Variants in HAL observed in about 807,000 individuals in gnomAD.
HAL encodes the protein histidine ammonia-lyase.
Under a neutral mutation model 81.1 loss-of-function variants are expected in HAL, and 85 were observed. The ratio of observed to expected loss-of-function variants is 1.05; its 90% confidence interval spans 0.88 to 1.25. The LOEUF (loss-of-function observed/expected upper bound fraction) is 1.25, where lower values mean the gene tolerates loss of function less well. HAL is among the 50% of genes most tolerant of loss of function. HAL has a pLI of 0.00. For missense variants in HAL, 798 were observed against 836.6 expected (o/e 0.95, Z 0.57); for synonymous variants, 301 against 309.2 (o/e 0.97, Z 0.28).
At chr12:95,989,164 A>C (rs1250679586) in intron 10 of HAL, among the ~76,000 whole-genome samples, 1 of 152,164 alleles carries the variant, frequency 6.6e-6, no homozygotes, top group Admixed American at 6.5e-5. Context: ...CGGAGACGGA[A>C]GCTTCTTAGA....
In HAL at chr12:95,987,073, C is replaced by G; in HGVS notation, c.1045G>C (p.Asp349His). 6.2e-7 allele frequency: 1 copy of G among 1,613,196 alleles called. No homozygotes were observed. The highest frequency in any genetic ancestry group is 8.5e-7 in the Non-Finnish European group (1 of 1,179,408). Residue 349 changes from aspartate to histidine, a missense_variant, in exon 12 of 21, where the codon GAC (aspartate) becomes CAC (histidine). Physicochemically the swap from Asp to His is moderately conservative, Grantham distance 81 (BLOSUM62 -1). Transcript: ENST00000261208. Reference sequence around the variant, plus strand: ...AAGGAAGAACCCTGCTGACCAGTGTCAAAGGCTTTGGTGGTGCCCTTCAGC... The same window carrying G: ...AAGGAAGAACCCTGCTGACCAGTGTGAAAGGCTTTGGTGGTGCCCTTCAGC... The part of the protein sequence containing the change: ...EVLKGTTKAF[D>H]TDIHALRPHR...
At chr12:95,981,090 C>A (rs2080789901) in intron 15 of HAL, among the ~76,000 whole-genome samples, 1 of 152,144 alleles carries the variant, frequency 6.6e-6, no homozygotes, top group African/African-American at 2.4e-5. Context: ...AAAACATGAA[C>A]CTTGAAATGA....
At position 95,992,709 on chromosome 12, in the gene HAL, G is replaced by A. The variant is rs143844261; in HGVS notation, c.686C>T (p.Thr229Ile). 464 of 1,612,638 alleles carry A rather than the reference G, an allele frequency of 2.9e-4. 2 individuals carry two copies. The highest frequency in any genetic ancestry group is 3.3e-4 in the Middle Eastern group (2 of 6,078). Reference protein sequence around the residue: ...AKGYSGISLETLKQVIEMFNA... With the variant: ...AKGYSGISLEILKQVIEMFNA... ...AAACATTTCTATGACTTGTTTGAGGGTCTCCAGGGAAATGCCACTGTATCC... is the reference window on the plus strand; with the variant it reads ...AAACATTTCTATGACTTGTTTGAGGATCTCCAGGGAAATGCCACTGTATCC... The change falls in exon 9 of 21, where the codon ACC becomes ATC. Residue 229 changes from threonine (T) to isoleucine (I), a missense_variant. Coordinates refer to ENST00000261208, the MANE Select transcript of HAL (RefSeq NM_002108.4).
Position 95,994,008 on chromosome 12 carries a change from T to C in HAL, c.412-10A>G. The stretch of plus-strand genomic sequence containing the variant: ...CAGCTGTTGGGGTGAGCTAGGAAAA[T>C]GTTGATCAGAACTGAGCACGTTAAA... On this transcript the variant is annotated splice_polypyrimidine_tract_variant and intron_variant, in intron 5 of 20. Transcript: ENST00000261208. The C allele has an allele frequency of 1.9e-6, 3 of 1,611,130 alleles. No homozygotes were observed. Among genetic ancestry groups the C allele is most frequent in the Admixed American group, 1.7e-5 (1 of 60,012 alleles).
chr12:95,995,573 C>T, intron 2 of HAL, 91 bp downstream of exon 2: 1 of 1,555,694 alleles, frequency 6.4e-7, no homozygotes, highest in Non-Finnish European at 8.8e-7. Flanking sequence ...GACCTCTGCT[C>T]ATCATTTTCC....
At chr12:95,993,623 G>C (rs1438176067) in intron 7 of HAL, 135 bp from the exon 8 acceptor site, 1 of 845,010 alleles carries the variant, frequency 1.2e-6, no homozygotes, top group South Asian at 1.4e-5. Context: ...CAGCCAGCCT[G>C]GGTTTTCAAT....
At chr12:95,979,776 G>T (rs1409002285) in intron 17 of HAL, among the ~76,000 whole-genome samples, 1 of 152,152 alleles carries the variant, frequency 6.6e-6, no homozygotes, top group Non-Finnish European at 1.5e-5. Context: ...TGAAGTAAAA[G>T]CACATTTTTG....
At position 95,975,669 on chromosome 12, in the gene HAL, T is replaced by C. The variant is rs368858459; in HGVS notation, c.1833+760A>G. Among the ~76,000 whole-genome samples the C allele has an allele frequency of 1.1e-3, 161 of 152,208 alleles. 1 individual carries two copies. Among genetic ancestry groups the C allele is most frequent in the African/African-American group, 3.4e-3 (142 of 41,516 alleles). ...CTTAAAGGCTAACCTCTCGTATACC[T>C]CCCTCCTAGCACCAAAGTTGGCAGC... On this transcript the variant is annotated intron_variant, in intron 20 of 20. Coordinates refer to ENST00000261208, the MANE Select transcript of HAL (RefSeq NM_002108.4).
intron 17 of HAL, among the ~76,000 whole-genome samples, chr12:95,978,647 G>C (rs942059630): frequency 3.9e-5 from 6 of 152,122 alleles, no homozygotes; most frequent in African/African-American, 1.4e-4. Context: ...AATCACTCAG[G>C]GACCTTGTTA....
At chr12:95,991,053 T>C (rs983023208) in intron 9 of HAL, among the ~76,000 whole-genome samples, 1 of 152,150 alleles carries the variant, frequency 6.6e-6, no homozygotes, top group African/African-American at 2.4e-5. Flanking sequence ...GAGGTTGCAG[T>C]GAGCCGAGAT....
In HAL at chr12:95,990,538, A is replaced by C; in HGVS notation, c.716-6T>G. 6.2e-7 allele frequency: 1 copy of C among 1,613,004 alleles called. No individual in the cohort carries two copies. Among genetic ancestry groups the C allele is most frequent in the Non-Finnish European group, 8.5e-7 (1 of 1,179,112 alleles). ...GACATAGGGCAGGCAGGAGGCTGGG[A>C]GAGAAGTAGGCAGCAATTAGTTCAA... On this transcript the variant is annotated splice_region_variant and splice_polypyrimidine_tract_variant and intron_variant, in intron 9 of 20. Transcript: ENST00000261208.
At chr12:95,981,163 G>T (rs944109371) in intron 15 of HAL, among the ~76,000 whole-genome samples, 1 of 140,214 alleles carries the variant, frequency 7.1e-6, no homozygotes, top group African/African-American at 2.8e-5. Context: ...GTTAGTACCT[G>T]CCCTCAAAAG....
Position 95,991,468 on chromosome 12 carries a change from T to C in HAL, c.716-936A>G, listed in dbSNP as rs371947471. Among the ~76,000 whole-genome samples the C allele has an allele frequency of 4.6e-5, 7 of 152,310 alleles. No individual in the cohort carries two copies. In the East Asian group the frequency reaches 1.2e-3, roughly 25 times the overall value. The stretch of plus-strand genomic sequence containing the variant: ...AGGTTTCCCAGGGGAAGAGAAGTCA[T>C]AGGCAACTGAGTCTTTTCATTTTGC... On this transcript the variant is annotated intron_variant, in intron 9 of 20. Transcript: ENST00000261208.
intron 12 of HAL, among the ~76,000 whole-genome samples, chr12:95,986,364 C>A (rs1949888713): frequency 6.6e-6 from 1 of 152,122 alleles, no homozygotes; most frequent in Non-Finnish European, 1.5e-5. Context: ...AAATGACCAT[C>A]AATGGTTCAG....
chr12:95,977,203 A>G (rs537542044), intron 18 of HAL, among the ~76,000 whole-genome samples: 1 of 152,264 alleles, frequency 6.6e-6, no homozygotes, highest in Non-Finnish European at 1.5e-5. Flanking sequence ...GGACTAGAAG[A>G]TGAGAAATTG....
rs1242741084 is a variant in HAL, at chr12:95,973,397, T to C, written c.*835A>G. ...AATGATTACCATTACAGAAAGGAGGTTGGTTAATCCCCAAAGATTCCTTAT... is the reference window on the plus strand; with the variant it reads ...AATGATTACCATTACAGAAAGGAGGCTGGTTAATCCCCAAAGATTCCTTAT... On this transcript the variant is annotated 3_prime_UTR_variant, in exon 21 of 21. Transcript: ENST00000261208. The C allele has an allele frequency of 6.6e-6, 1 of 152,144 alleles. No homozygotes were observed. The highest frequency in any genetic ancestry group is 1.5e-5 in the Non-Finnish European group (1 of 68,022). 9.4% of individuals were successfully genotyped at this position (152,144 alleles called of 1,614,324 possible).
chr12:95,995,017 G>T, intron 2 of HAL, 24 bp from the exon 3 acceptor site: 1 of 1,553,862 alleles, frequency 6.4e-7, no homozygotes, highest in Non-Finnish European at 8.9e-7. Context: ...CGGGAGACTC[G>T]TTACAGATCA....
chr12:95,987,897 CGGG>C (rs60041699), intron 11 of HAL, among the ~76,000 whole-genome samples: 1 of 45,732 alleles, frequency 2.2e-5, no homozygotes, highest in Non-Finnish European at 4.8e-5. Context: ...TTTGGCGGGG[CGGG>C]GGGGGCGGGT....
rs149461774 is a variant in HAL, at chr12:95,976,468, C to T, written c.1794G>A (p.Pro598=). ...RPWIKDRFMA[P]DIEAAHRLLL... ...GCAGCCTGTGGGCTGCCTCGATGTC[C>T]GGGGCCATGAAGCGATCTTTTATCC... Residue 598 remains proline, a synonymous_variant, in exon 20 of 21, where the codon CCG becomes CCA. Transcript: ENST00000261208. The T allele has an allele frequency of 8.9e-5, 144 of 1,614,108 alleles. 1 individual carries two copies. The highest frequency in any genetic ancestry group is 1.8e-4 in the East Asian group (8 of 44,886).
Sources: allele counts gnomAD v4.1 joint callset (sites outside exome capture counted in the v4.1 genomes callset), GRCh38; gene constraint gnomAD v4.1.1; transcripts MANE v1.5; gene names NCBI Gene and HGNC (gene_info 2026-07-23, HGNC 2026-07-21).